Variants in ABTB3 observed in about 807,000 individuals in gnomAD.
ABTB3 encodes ankyrin repeat- and BTB/POZ domain-containing protein 3.
At chr12:107,425,645 G>C in the ABTB3 span, among the ~76,000 whole-genome samples, 11 of 152,326 alleles carry the variant, frequency 7.2e-5, no homozygotes, top group South Asian at 6.2e-4. Context: ...GTGAAAACCA[G>C]ACCGCTTTTT....
chr12:107,378,703 C>T, the ABTB3 span, among the ~76,000 whole-genome samples: 1 of 152,318 alleles, frequency 6.6e-6, no homozygotes, highest in African/African-American at 2.4e-5. Context: ...TTTCCCTTGT[C>T]ACAACGCATC....
chr12:107,544,621 G>C, the ABTB3 span, among the ~76,000 whole-genome samples: 2 of 152,188 alleles, frequency 1.3e-5, no homozygotes, highest in African/African-American at 4.8e-5. Flanking sequence ...AATCCTCATG[G>C]GGAAGGAAGG....
the ABTB3 span, among the ~76,000 whole-genome samples, chr12:107,590,060 C>G: frequency 6.6e-6 from 1 of 152,190 alleles, no homozygotes; most frequent in South Asian, 2.1e-4. Flanking sequence ...CAGGTGCCCA[C>G]CACCATGCCT....
At chr12:107,380,521 C>T in the ABTB3 span, among the ~76,000 whole-genome samples, 4 of 152,098 alleles carry the variant, frequency 2.6e-5, no homozygotes, top group Non-Finnish European at 5.9e-5. Context: ...AAGAGGACCA[C>T]GCCCTGTATT....
At chr12:107,637,737 T>G in the ABTB3 span, among the ~76,000 whole-genome samples, 1 of 150,556 alleles carries the variant, frequency 6.6e-6, no homozygotes, top group African/African-American at 2.5e-5. Flanking sequence ...AATTCAGCGC[T>G]AGACAATAGG....
At chr12:107,493,487 G>A in the ABTB3 span, among the ~76,000 whole-genome samples, 2 of 152,162 alleles carry the variant, frequency 1.3e-5, no homozygotes, top group African/African-American at 2.4e-5. Flanking sequence ...AGCCTCAGAG[G>A]CCGGCCCCTC....
At chr12:107,634,615 A>G in the ABTB3 span, among the ~76,000 whole-genome samples, 2 of 152,172 alleles carry the variant, frequency 1.3e-5, no homozygotes, top group East Asian at 3.9e-4. Context: ...AGATTAATGA[A>G]CGGAAATGGC....
the ABTB3 span, among the ~76,000 whole-genome samples, chr12:107,618,555 C>G: frequency 2.0e-5 from 3 of 152,326 alleles, no homozygotes; most frequent in African/African-American, 7.2e-5. Flanking sequence ...GAAACACTTC[C>G]AGGCCAAGAT....
chr12:107,488,662 G>GTA, the ABTB3 span, among the ~76,000 whole-genome samples: 5,048 of 149,372 alleles, frequency 0.034, 275 homozygotes, highest in African/African-American at 0.12. Flanking sequence ...GCAATTATAT[G>GTA]TATATATATA....
the ABTB3 span, chr12:107,618,330 A>G: frequency 2.5e-6 from 4 of 1,613,662 alleles, no homozygotes; most frequent in Admixed American, 3.3e-5. Context: ...CATGTATCAC[A>G]GCGCTGAGCA....
At chr12:107,471,105 C>A in the ABTB3 span, among the ~76,000 whole-genome samples, 1 of 152,222 alleles carries the variant, frequency 6.6e-6, no homozygotes, top group African/African-American at 2.4e-5. Context: ...CAGTGCTCAG[C>A]GTTTTCCGCA....
the ABTB3 span, chr12:107,651,682 T>G: frequency 5.4e-5 from 87 of 1,613,708 alleles, no homozygotes; most frequent in Non-Finnish European, 7.2e-5. Context: ...AGCTTCTGTC[T>G]GCTGCTAAGT....
the ABTB3 span, chr12:107,544,155 C>G: frequency 3.1e-6 from 5 of 1,611,956 alleles, no homozygotes; most frequent in South Asian, 5.5e-5. Flanking sequence ...AACTGCCTTG[C>G]CTTGCCTTGT....
the ABTB3 span, among the ~76,000 whole-genome samples, chr12:107,493,937 GCTTC>G: frequency 6.6e-6 from 1 of 151,966 alleles, no homozygotes; most frequent in African/African-American, 2.4e-5. Context: ...GTGGTGTCTA[GCTTC>G]CAGAACTAGG....
chr12:107,637,824 GTGTGTGTGTGGTA>G, the ABTB3 span, among the ~76,000 whole-genome samples: 125 of 141,688 alleles, frequency 8.8e-4, 1 homozygote, highest in Middle Eastern at 3.7e-3. Flanking sequence ...GTGTGTGTGT[GTGTGTGTGTGGTA>G]TGGTGTCCTG....
chr12:107,624,044 G>A, the ABTB3 span, among the ~76,000 whole-genome samples: 1 of 152,120 alleles, frequency 6.6e-6, no homozygotes, highest in Non-Finnish European at 1.5e-5. Context: ...TAGGCTCCTA[G>A]TAGGAACGTG....
At chr12:107,496,599 G>C in the ABTB3 span, among the ~76,000 whole-genome samples, 12 of 152,164 alleles carry the variant, frequency 7.9e-5, no homozygotes, top group Non-Finnish European at 1.5e-4. Flanking sequence ...CTGCCTCTGA[G>C]TGGCTTAGAT....
chr12:107,321,603 CCA>C, the ABTB3 span, among the ~76,000 whole-genome samples: 6,470 of 85,086 alleles, frequency 0.076, 452 homozygotes, highest in African/African-American at 0.27. Context: ...ATCTTCGAGG[CCA>C]CACACACACA....
At chr12:107,372,775 A>C in the ABTB3 span, among the ~76,000 whole-genome samples, 2 of 151,696 alleles carry the variant, frequency 1.3e-5, no homozygotes, top group Non-Finnish European at 2.9e-5. Context: ...TCCTTTTCTT[A>C]CTTTATTTTT....
Sources: gnomAD v4.1 joint callset for allele counts (sites outside exome capture counted in the v4.1 genomes callset) on GRCh38, gnomAD v4.1.1 for gene constraint, MANE v1.5 for transcripts, NCBI Gene and HGNC (gene_info 2026-07-23, HGNC 2026-07-21) for gene names.